CYSLTR1: variants seen among roughly 807,000 people sequenced by gnomAD.
The protein encoded by CYSLTR1 is G-protein coupled receptor HG55.
A neutral mutation model predicts 2.1 loss-of-function variants in CYSLTR1; 1 was observed. The ratio of observed to expected loss-of-function variants is 0.48; its 90% CI spans 0.17 to 2.28. CYSLTR1 has a LOEUF of 2.28. Ranked by LOEUF, CYSLTR1 falls within the 30% of genes most tolerant of loss-of-function variation. The pLI is 0.26. For missense variants in CYSLTR1, 299 were observed against 250.1 expected (o/e 1.20, Z -1.32); for synonymous variants, 110 against 89.6 (o/e 1.23, Z -1.28).
At chrX:78,322,585 T>A (rs983924420) in intron 1 of CYSLTR1, among the ~76,000 whole-genome samples, 1 of 111,864 alleles carries the variant, frequency 8.9e-6, no homozygotes, top group Non-Finnish European at 1.9e-5. Flanking sequence ...CCCAGTGACT[T>A]TCTTCCATCG....
intron 1 of CYSLTR1, among the ~76,000 whole-genome samples, chrX:78,297,704 A>G (rs1337918930): frequency 1.8e-5 from 2 of 110,945 alleles, no homozygotes; most frequent in African/African-American, 6.5e-5. Context: ...AATCCTTTGA[A>G]TTTCTGCAGT....
intron 1 of CYSLTR1, among the ~76,000 whole-genome samples, chrX:78,295,835 A>G (rs1922552251): frequency 9.0e-6 from 1 of 111,329 alleles, no homozygotes; most frequent in Non-Finnish European, 1.9e-5. Context: ...ATTTTCTCCC[A>G]ATCTGTGGGT....
rs533894414 is a variant in CYSLTR1, at chrX:78,324,946, C to T, written c.-115+2359G>A. On this transcript the variant is annotated intron_variant, in intron 1 of 2. Transcript: ENST00000373304. Reference sequence around the variant, plus strand: ...TAGACATACTTATATATTTTAAAAACGTGATTTGTATTATAACCAAATCTG... The same window carrying T: ...TAGACATACTTATATATTTTAAAAATGTGATTTGTATTATAACCAAATCTG... Among the ~76,000 whole-genome samples the T allele has an allele frequency of 2.0e-4, 22 of 111,028 alleles. No individual in the cohort carries two copies. In the South Asian group the frequency reaches 6.4e-3, roughly 32 times the overall value.
chrX:78,308,084 C>G (rs1363503760), intron 1 of CYSLTR1, among the ~76,000 whole-genome samples: 2 of 109,847 alleles, frequency 1.8e-5, no homozygotes, highest in Non-Finnish European at 3.8e-5. Flanking sequence ...AGGAGGGAAT[C>G]AATGGGGAAA....
At position 78,317,377 on chromosome X, in the gene CYSLTR1, G is replaced by A. The variant is rs1028562516; in HGVS notation, c.-115+9928C>T. The stretch of plus-strand genomic sequence containing the variant: ...GAAAAGGGAATACTTTTACACTGCT[G>A]GTGGAAATGTAAACTAGTACAACTA... On this transcript the variant is annotated intron_variant, in intron 1 of 2. Coordinates refer to ENST00000373304, the MANE Select transcript of CYSLTR1 (RefSeq NM_006639.4). Among the ~76,000 whole-genome samples, 7 of 112,375 alleles carry A rather than the reference G, an allele frequency of 6.2e-5. 1 individual carries two copies. The highest frequency in any genetic ancestry group is 4.6e-3 in the Middle Eastern group (1 of 218).
At chrX:78,284,362 A>C (rs1056422385) in intron 1 of CYSLTR1, among the ~76,000 whole-genome samples, 1 of 111,110 alleles carries the variant, frequency 9.0e-6, no homozygotes, top group Non-Finnish European at 1.9e-5. Context: ...CAAAATAAAC[A>C]CTTTCCTTCA....
rs771152300 is a variant in CYSLTR1, at chrX:78,295,800, CTT to C, written c.-114-12262_-114-12261del. On this transcript the variant is annotated intron_variant, in intron 1 of 2. Transcript: ENST00000373304. ...CCTTATATATTATGGTTATAAATCT[CTT>C]GTCATATGGGTAGTTTGCAAATATT... Among the ~76,000 whole-genome samples the C allele has an allele frequency of 6.3e-5, 7 of 111,640 alleles. No homozygotes were observed. The East Asian group carries it at 1.1e-3, about 18-fold the overall frequency.
At chrX:78,274,228 T>C (rs1218794242) in intron 2 of CYSLTR1, among the ~76,000 whole-genome samples, 1 of 111,525 alleles carries the variant, frequency 9.0e-6, no homozygotes, top group East Asian at 2.8e-4. Context: ...TGAAAATCCT[T>C]GGCTCCCAAA....
chrX:78,289,502 G>T (rs1326401619), intron 1 of CYSLTR1, among the ~76,000 whole-genome samples: 1 of 111,708 alleles, frequency 9.0e-6, no homozygotes, highest in Non-Finnish European at 1.9e-5. Flanking sequence ...TGGGTCAAAT[G>T]GTATTTCTAG....
chrX:78,275,967 A>G (rs747170808), intron 2 of CYSLTR1, among the ~76,000 whole-genome samples: 1 of 112,250 alleles, frequency 8.9e-6, no homozygotes, highest in South Asian at 3.7e-4. Context: ...AAAATGTTTT[A>G]GAGTGATAAA....
At chrX:78,298,539 T>C (rs1236766785) in intron 1 of CYSLTR1, among the ~76,000 whole-genome samples, 1 of 111,587 alleles carries the variant, frequency 9.0e-6, no homozygotes, top group African/African-American at 3.2e-5. Flanking sequence ...ATTTCCTTTA[T>C]ATATCTGGAT....
At chrX:78,289,572 C>A (rs954098906) in intron 1 of CYSLTR1, among the ~76,000 whole-genome samples, 1 of 112,059 alleles carries the variant, frequency 8.9e-6, no homozygotes, top group Non-Finnish European at 1.9e-5. Flanking sequence ...AAAGTACACT[C>A]CCACCAACAG....
intron 1 of CYSLTR1, among the ~76,000 whole-genome samples, chrX:78,292,641 T>G (rs1404379182): frequency 1.8e-5 from 2 of 111,807 alleles, no homozygotes; most frequent in Non-Finnish European, 3.8e-5. Flanking sequence ...GCTTTATGAA[T>G]CTGGCTGCTC....
At chrX:78,310,667 G>A (rs1253625911) in intron 1 of CYSLTR1, among the ~76,000 whole-genome samples, 3 of 111,935 alleles carry the variant, frequency 2.7e-5, no homozygotes, top group East Asian at 2.8e-4. Context: ...GAGCATAAAA[G>A]TAGTAAATGG....
intron 1 of CYSLTR1, among the ~76,000 whole-genome samples, chrX:78,308,076 G>A (rs1440535995): frequency 9.1e-6 from 1 of 110,489 alleles, no homozygotes; most frequent in Non-Finnish European, 1.9e-5. Context: ...TACCATTAAG[G>A]AGGGAATCAA....
At chrX:78,322,791 G>T (rs998995417) in intron 1 of CYSLTR1, among the ~76,000 whole-genome samples, 2 of 111,571 alleles carry the variant, frequency 1.8e-5, no homozygotes, top group Admixed American at 1.9e-4. Context: ...CTGATACTTC[G>T]TTGCTGACAG....
chrX:78,325,570 T>A (rs1923835829), intron 1 of CYSLTR1, among the ~76,000 whole-genome samples: 1 of 112,101 alleles, frequency 8.9e-6, no homozygotes, highest in Admixed American at 9.5e-5. Flanking sequence ...TGTTTACATG[T>A]CAAAACAAGG....
chrX:78,288,713 A>G (rs958267994), intron 1 of CYSLTR1, among the ~76,000 whole-genome samples: 2 of 111,819 alleles, frequency 1.8e-5, no homozygotes, highest in Non-Finnish European at 3.8e-5. Flanking sequence ...GTTACAAACA[A>G]TCCAATTTTA....
Position 78,285,929 on chromosome X carries a change from G to A in CYSLTR1, c.-114-2389C>T, listed in dbSNP as rs1265149118. On this transcript the variant is annotated intron_variant, in intron 1 of 2. Coordinates refer to ENST00000373304, the MANE Select transcript of CYSLTR1 (RefSeq NM_006639.4). ...GGGAGGGTAAAGGTGAGTTAATGAA[G>A]TCAAATGTGGTTGTATGATTTTGAT... Among the ~76,000 whole-genome samples, 9 of 111,929 alleles carry A rather than the reference G, an allele frequency of 8.0e-5. No homozygotes were observed. The South Asian group carries it at 3.4e-3, about 42-fold the overall frequency.
Sources: gnomAD v4.1 joint callset for allele counts (sites outside exome capture counted in the v4.1 genomes callset) on GRCh38, gnomAD v4.1.1 for gene constraint, MANE v1.5 for transcripts, NCBI Gene and HGNC (gene_info 2026-07-23, HGNC 2026-07-21) for gene names.